Variants in ZAN observed in about 807,000 individuals in gnomAD.
ZAN encodes zonadhesin (gene/pseudogene).
Under a neutral mutation model 286.2 loss-of-function variants are expected in ZAN, and 260 were observed. The ratio of observed to expected loss-of-function variants is 0.91; its 90% CI spans 0.82 to 1.01. The LOEUF (loss-of-function observed/expected upper bound fraction) is 1.01. ZAN is among the 50% of genes least tolerant of loss of function. The pLI is 0.00. For missense variants in ZAN, 3,410 were observed against 3,639.2 expected (o/e 0.94, Z 1.62); for synonymous variants, 1,368 against 1,417.5 (o/e 0.97, Z 0.79).
At chr7:100,755,580 C>CT (rs534225866) in intron 15 of ZAN, among the ~76,000 whole-genome samples, 170 bp downstream of exon 15, 43 of 151,052 alleles carry the variant, frequency 2.8e-4, no homozygotes, top group Admixed American at 2.0e-3. Flanking sequence ...TCAATCTTTT[C>CT]TTTTTTTTTG....
Position 100,736,960 on chromosome 7 carries a change from G to C in ZAN, c.405G>C (p.Leu135=), listed in dbSNP as rs1169814812. Residue 135 remains leucine (L), a synonymous_variant, in exon 5 of 48, where the codon CTG becomes CTC. Transcript: ENST00000613979. The part of the protein sequence containing the change: ...GLSWGAQLRL[L]LLSGEEGRRP... ...CTTGGGGCGCCCAGCTCAGGCTGCT[G>C]CTGCTCTCGGGTGAAGAGGGCCGCC... The C allele has an allele frequency of 6.6e-7, 1 of 1,504,156 alleles. No individual in the cohort carries two copies. The highest frequency in any genetic ancestry group is 1.4e-5 in the African/African-American group (1 of 71,016). The allele number at this position is 1,504,156 out of a possible 1,614,324, so 93.2% of individuals were successfully genotyped here.
rs1412557185 is a variant in ZAN, at chr7:100,775,813, C to T, written c.6172C>T (p.Pro2058Ser). Residue 2058 changes from proline to serine, a missense_variant, in exon 33 of 48, where the codon CCC becomes TCC. This residue lies in a region of ZAN where 1,289 missense variants were observed against 1,314.3 expected (regional missense o/e 0.98). Transcript: ENST00000613979. ...GAATCATCTCTTAGAGATTGAAATC[C>T]CCACAACCTACTATGGAAAGGTGAG... ...DGNHLLEIEI[P>S]TTYYGKVCGM... 6.2e-7 allele frequency: 1 copy of T among 1,613,626 alleles called. No homozygotes were observed. The highest frequency in any genetic ancestry group is 8.5e-7 in the Non-Finnish European group (1 of 1,179,876).
In ZAN at chr7:100,763,700, C is replaced by A; in HGVS notation, c.3987-106C>A. On this transcript the variant is annotated intron_variant, in intron 20 of 47. Coordinates refer to ENST00000613979, the MANE Select transcript of ZAN (RefSeq NM_003386.3). This position sits in a 1 kb window ranked among gnomAD's most constrained non-coding sequence, Gnocchi z 4.6. Reference sequence around the variant, plus strand: ...CCTCTGGGAGGGGTTTCCCAGCTGACAGGCTGGTTTGCCGGTCCCGGCCTG... The same window carrying A: ...CCTCTGGGAGGGGTTTCCCAGCTGAAAGGCTGGTTTGCCGGTCCCGGCCTG... The A allele has an allele frequency of 8.8e-7, 1 of 1,135,438 alleles. No individual in the cohort carries two copies. The allele number at this position is 1,135,438 out of a possible 1,614,324, so 70.3% of individuals were successfully genotyped here.
At chr7:100,787,370 C>T (rs73411155) in intron 37 of ZAN, among the ~76,000 whole-genome samples, 9,229 of 151,830 alleles carry the variant, frequency 0.061, 873 homozygotes, top group African/African-American at 0.2. Flanking sequence ...GAGCTATGAT[C>T]GTACCACTTG....
Position 100,758,474 on chromosome 7 carries a change from G to A in ZAN, c.3452-57G>A, listed in dbSNP as rs563978140. ...GGGCAGCGGGTGGGCCAGCATGTGC[G>A]GTCCAGCCTGGAGGAGCCACAGAAG... On this transcript the variant is annotated intron_variant, in intron 16 of 47. Transcript: ENST00000613979. The A allele has an allele frequency of 8.5e-5, 132 of 1,551,102 alleles. 2 individuals carry two copies. In the South Asian group the frequency reaches 1.2e-3, roughly 15 times the overall value.
chr7:100,789,059 G>A (rs1811761915), intron 38 of ZAN, among the ~76,000 whole-genome samples, 159 bp from the exon 39 acceptor site: 2 of 152,132 alleles, frequency 1.3e-5, no homozygotes, highest in African/African-American at 4.8e-5. Context: ...ACCTCACAGA[G>A]GTTTCTGCCA....
chr7:100,750,828 G>C lies in ZAN; in HGVS notation c.1453G>C (p.Gly485Arg). ...CCCGATTCCTCTCTGGAAACGCGTG[G>C]GGTCTCAGCGCCCTTACTGGCAGAA... ...SPPIPLWKRVGSQRPYWQNTS... is the reference protein window; with the variant it reads ...SPPIPLWKRVRSQRPYWQNTS... The change falls in exon 12 of 48, where the codon GGG becomes CGG. Residue 485 changes from glycine (G) to arginine (R), a missense_variant. Physicochemically the swap from Gly to Arg is moderately radical, Grantham distance 125. This residue lies in a region of ZAN where 872 missense variants were observed against 938.9 expected (regional missense o/e 0.93). Transcript: ENST00000613979. The C allele has an allele frequency of 6.3e-7, 1 of 1,599,196 alleles. No individual in the cohort carries two copies. The highest frequency in any genetic ancestry group is 1.1e-5 in the South Asian group (1 of 88,566).
chr7:100,768,142 G>A, intron 26 of ZAN, 131 bp downstream of exon 26: 1 of 1,219,424 alleles, frequency 8.2e-7, no homozygotes, highest in East Asian at 2.6e-5. Flanking sequence ...AGGACATTAG[G>A]CATGAAGGTA....
rs367582227 is a variant in ZAN at position 100,752,785 on chromosome 7, A to G, written c.2680A>G (p.Ile894Val). ...CACCATCCCCATTGAAGAGACTACC[A>G]TCTCCACAGAAAAACTCACCATCCC... Reference protein sequence around the residue: ...KPTIPIEETTISTEKLTIPTE... With the variant: ...KPTIPIEETTVSTEKLTIPTE... The change falls in exon 14 of 48, where the codon ATC becomes GTC. Residue 894 changes from isoleucine (I) to valine (V), a missense_variant. Physicochemically the swap from Ile to Val is conservative, Grantham distance 29. Coordinates refer to ENST00000613979, the MANE Select transcript of ZAN (RefSeq NM_003386.3). 1.4e-5 allele frequency: 21 copies of G among 1,550,018 alleles called. No homozygotes were observed. In the South Asian group the frequency reaches 2.3e-4, roughly 17 times the overall value.
rs756913112 is a variant in ZAN at position 100,792,161 on chromosome 7, C to A, written c.7712+13C>A. ...AGCCCTTCCAAGAGTGAGTCATGGG[C>A]CCAGGACTTGTGGGAATGGCCCAGG... On this transcript the variant is annotated intron_variant, in intron 41 of 47. Coordinates refer to ENST00000613979, the MANE Select transcript of ZAN (RefSeq NM_003386.3). The A allele has an allele frequency of 2.5e-6, 4 of 1,590,424 alleles. No individual in the cohort carries two copies. The highest frequency in any genetic ancestry group is 3.4e-6 in the Non-Finnish European group (4 of 1,168,488).
Position 100,779,756 on chromosome 7 carries a change from T to C in ZAN, c.6622+6T>C, listed in dbSNP as rs1430303898. ...GAGAAACAGCAGCTTCTGCCGTGAGTGTGCCCTGCTGTCACCCCAAACCCC... is the reference window on the plus strand; with the variant it reads ...GAGAAACAGCAGCTTCTGCCGTGAGCGTGCCCTGCTGTCACCCCAAACCCC... On this transcript the variant is annotated splice_donor_region_variant and intron_variant, in intron 35 of 47. Coordinates refer to ENST00000613979, the MANE Select transcript of ZAN (RefSeq NM_003386.3). 3.2e-6 allele frequency: 5 copies of C among 1,544,976 alleles called. No homozygotes were observed. The highest frequency in any genetic ancestry group is 2.0e-5 in the Admixed American group (1 of 50,938).
At chr7:100,769,659 C>T (rs762812805) in intron 27 of ZAN, among the ~76,000 whole-genome samples, 64 of 152,104 alleles carry the variant, frequency 4.2e-4, no homozygotes, top group Non-Finnish European at 7.8e-4. Context: ...ATCCTCCCAC[C>T]ACAGCCTCCT....
intron 7 of ZAN, among the ~76,000 whole-genome samples, chr7:100,742,150 C>T (rs1360241918): frequency 6.3e-5 from 4 of 63,186 alleles, no homozygotes; most frequent in African/African-American, 1.4e-4. Context: ...ACTTCTCAGA[C>T]GGGGCGGCCG....
At chr7:100,768,437 A>G (rs748405443) in intron 26 of ZAN, among the ~76,000 whole-genome samples, 173 bp from the exon 27 acceptor site, 13 of 152,114 alleles carry the variant, frequency 8.5e-5, no homozygotes, top group South Asian at 8.3e-4. Context: ...GCGCCACTGC[A>G]CTCCAGCCTG....
In ZAN at chr7:100,751,913, A is replaced by G. The variant is rs764106638; in HGVS notation, c.1808A>G (p.Glu603Gly). The G allele has an allele frequency of 1.3e-5, 21 of 1,613,348 alleles. No individual in the cohort carries two copies. In the South Asian group the frequency reaches 2.1e-4, roughly 16 times the overall value. ...IPTEKPTIST[E>G]KPTIPSEKPN... Reference sequence around the variant, plus strand: ...ACAGAAAAACCCACCATCTCCACAGAAAAACCCACCATTCCTTCAGAAAAA... The same window carrying G: ...ACAGAAAAACCCACCATCTCCACAGGAAAACCCACCATTCCTTCAGAAAAA... Residue 603 changes from glutamate (E) to glycine (G), a missense_variant, in exon 14 of 48, where the codon GAA (glutamate) becomes GGA (glycine). Physicochemically the swap from Glu to Gly is moderately conservative, Grantham distance 98. This residue lies in a region of ZAN where 872 missense variants were observed against 938.9 expected (regional missense o/e 0.93). Coordinates refer to ENST00000613979, the MANE Select transcript of ZAN (RefSeq NM_003386.3).
rs368598928 is a variant in ZAN at position 100,786,065 on chromosome 7, C to A, written c.6903C>A (p.Cys2301Ter). 1.2e-6 allele frequency: 2 copies of A among 1,613,982 alleles called. No individual in the cohort carries two copies. Among genetic ancestry groups the A allele is most frequent in the Non-Finnish European group, 1.7e-6 (2 of 1,179,886 alleles). Residue 2301 changes from cysteine to a stop codon, truncating the protein, a stop_gained, in exon 37 of 48, where the codon TGC becomes TGA. Transcript: ENST00000613979. LOFTEE classifies it high-confidence loss of function. ...TCTGCACGGGAGGAGCCATTCAGTG[C>A]GGGGACTTCCGATGCCCCTCTGGGT... ...KCVCTGGAIQ[C>*]GDFRCPSGSH...
At chr7:100,767,626 C>T (rs1162027550) in intron 25 of ZAN, among the ~76,000 whole-genome samples, 4 of 151,860 alleles carry the variant, frequency 2.6e-5, no homozygotes, top group African/African-American at 9.6e-5. Context: ...TAGGCATGCA[C>T]CACCTGCACG....
chr7:100,776,291 C>CT lies in ZAN; in HGVS notation c.6193-148dup, dbSNP rs1391994460. ...TGAGATCATGCCACTGCACTCCAGG[C>CT]TGGGTGACAAGAGTGAAACTTGAAG... On this transcript the variant is annotated intron_variant, in intron 33 of 47. Transcript: ENST00000613979. 5 of 1,150,736 alleles carry CT rather than the reference C, an allele frequency of 4.3e-6. No individual in the cohort carries two copies. In the African/African-American group the frequency reaches 9.0e-5, roughly 21 times the overall value. 71.3% of individuals were successfully genotyped at this position (1,150,736 alleles called of 1,614,324 possible). A position where few individuals can be genotyped will look rare whatever the true frequency, so the allele number is the denominator to read the frequency against.
chr7:100,790,056 C>T (rs747834593), intron 39 of ZAN, among the ~76,000 whole-genome samples: 12 of 151,352 alleles, frequency 7.9e-5, no homozygotes, highest in Non-Finnish European at 2.9e-5. Context: ...GCCAGGCATT[C>T]GAGACCAGCC....
Sources: gnomAD v4.1 joint callset for allele counts (sites outside exome capture counted in the v4.1 genomes callset) on GRCh38, gnomAD v4.1.1 for gene constraint, gnomAD v4.1.1 regional missense constraint, Gnocchi (gnomAD v3.1) non-coding constraint, MANE v1.5 for transcripts, NCBI Gene and HGNC (gene_info 2026-07-23, HGNC 2026-07-21) for gene names.